The following EXOC2 variants were observed in gnomAD, a reference collection of about 807,000 sequenced individuals.
The protein encoded by EXOC2 is exocyst complex component 2.
In EXOC2, 70 loss-of-function variants were observed where a neutral mutation model predicts 131.8. The observed-to-expected ratio is 0.53, with a 90% CI of 0.44 to 0.65. The LOEUF (loss-of-function observed/expected upper bound fraction) is 0.65. EXOC2 is among the 30% of genes least tolerant of loss of function. The pLI is 0.00. For missense variants in EXOC2, 923 were observed against 1,108.6 expected (o/e 0.83, Z 2.38); for synonymous variants, 411 against 398.4 (o/e 1.03, Z -0.38).
intron 23 of EXOC2, among the ~76,000 whole-genome samples, chr6:500,925 A>G (rs545786504): frequency 6.6e-6 from 1 of 151,308 alleles, no homozygotes; most frequent in African/African-American, 2.4e-5. Context: ...CTAGGTTTTG[A>G]TTGTGTCACA....
intron 1 of EXOC2, among the ~76,000 whole-genome samples, chr6:647,990 C>T (rs1762656692): frequency 6.6e-6 from 1 of 152,176 alleles, no homozygotes; most frequent in African/African-American, 2.4e-5. Flanking sequence ...ACAGGCATTA[C>T]ACTGGTTCAT....
intron 1 of EXOC2, among the ~76,000 whole-genome samples, chr6:682,199 CTTT>C (rs10654916): frequency 1.5e-5 from 2 of 129,616 alleles, no homozygotes; most frequent in Admixed American, 7.8e-5. Context: ...TTCCCAGTTT[CTTT>C]TTTTTTTTTT....
intron 1 of EXOC2, among the ~76,000 whole-genome samples, chr6:655,354 A>T (rs1763025088): frequency 6.6e-6 from 1 of 152,212 alleles, no homozygotes; most frequent in Non-Finnish European, 1.5e-5. Flanking sequence ...ACATAGTACT[A>T]TTGTACTCTC....
intron 1 of EXOC2, chr6:655,864 A>C: frequency 2.8e-6 from 1 of 361,440 alleles, no homozygotes; most frequent in East Asian, 4.6e-5. Context: ...AAAAGAGTTG[A>C]AGAATAACTT....
At chr6:681,200 T>C (rs796847214) in intron 1 of EXOC2, among the ~76,000 whole-genome samples, 7 of 152,340 alleles carry the variant, frequency 4.6e-5, no homozygotes, top group African/African-American at 1.7e-4. Flanking sequence ...AATCAACCTG[T>C]GACAGCTCCT....
intron 13 of EXOC2, among the ~76,000 whole-genome samples, chr6:570,569 G>A (rs776215446): frequency 6.6e-6 from 1 of 152,176 alleles, no homozygotes; most frequent in African/African-American, 2.4e-5. Flanking sequence ...GTGCCAGGCC[G>A]ATGAGATTTC....
At chr6:647,546 A>G (rs1319616544) in intron 1 of EXOC2, among the ~76,000 whole-genome samples, 1 of 140,012 alleles carries the variant, frequency 7.1e-6, no homozygotes, top group South Asian at 2.7e-4. Context: ...CCGGATCTGT[A>G]AGAGTCTAGT....
At position 639,293 on chromosome 6, in the gene EXOC2, G is replaced by A. The variant is rs189797231; in HGVS notation, c.-43-1432C>T. Among the ~76,000 whole-genome samples, 219 of 150,978 alleles carry A rather than the reference G, an allele frequency of 1.5e-3. 2 individuals are homozygous for A. The highest frequency in any genetic ancestry group is 5.2e-3 in the African/African-American group (212 of 41,076). On this transcript the variant is annotated intron_variant, in intron 1 of 27. Coordinates refer to ENST00000230449, the MANE Select transcript of EXOC2 (RefSeq NM_018303.6). Reference sequence around the variant, plus strand: ...CCTGCCCTTGCCACTGTGAGCAGGTGTGCAAGCCCCTCCTGCCCTTGCCAC... The same window carrying A: ...CCTGCCCTTGCCACTGTGAGCAGGTATGCAAGCCCCTCCTGCCCTTGCCAC...
At chr6:523,128 A>C (rs961432471) in intron 23 of EXOC2, among the ~76,000 whole-genome samples, 2 of 152,338 alleles carry the variant, frequency 1.3e-5, no homozygotes, top group East Asian at 3.9e-4. Context: ...CTGATAGGTA[A>C]GATAAAGAAA....
intron 16 of EXOC2, 113 bp from the exon 17 acceptor site, chr6:562,958 A>C (rs895983163): frequency 1.5e-6 from 1 of 663,710 alleles, no homozygotes; most frequent in Non-Finnish European, 2.3e-6. Flanking sequence ...GGTTTGTAAA[A>C]ACTCGATGAA....
intron 1 of EXOC2, among the ~76,000 whole-genome samples, chr6:646,563 T>G (rs2127730205): frequency 6.6e-6 from 1 of 152,346 alleles, no homozygotes; most frequent in South Asian, 2.1e-4. Context: ...CCATTAACAT[T>G]AGCCTGCTAA....
intron 4 of EXOC2, among the ~76,000 whole-genome samples, chr6:620,339 A>G (rs1210369238): frequency 6.6e-6 from 1 of 152,102 alleles, no homozygotes; most frequent in Non-Finnish European, 1.5e-5. Context: ...CTTGTCCCTC[A>G]GGGCTCATTT....
At chr6:632,300 T>C (rs1367158123) in intron 3 of EXOC2, among the ~76,000 whole-genome samples, 1 of 152,248 alleles carries the variant, frequency 6.6e-6, no homozygotes, top group Non-Finnish European at 1.5e-5. Context: ...TACTCAGTCA[T>C]GGTAAGAGAG....
intron 5 of EXOC2, among the ~76,000 whole-genome samples, chr6:618,753 C>T (rs185265286): frequency 1.3e-5 from 2 of 152,250 alleles, no homozygotes; most frequent in Admixed American, 6.5e-5. Flanking sequence ...ATGCTTTTCA[C>T]CCTAATAAAT....
Position 671,914 on chromosome 6 carries a change from A to T in EXOC2, c.-44+21105T>A, listed in dbSNP as rs1185330344. Among the ~76,000 whole-genome samples, 22 of 150,838 alleles carry T rather than the reference A, an allele frequency of 1.5e-4. 1 individual carries two copies. ...GCTAAGTGTAGATTTTTTATTTTTT[A>T]TTTATTTATTTATTTTTTGGTACTT... is the stretch of plus-strand genomic sequence containing the variant. On this transcript the variant is annotated intron_variant, in intron 1 of 27. Transcript: ENST00000230449.
chr6:658,645 T>TTTTTA (rs1223267048), intron 1 of EXOC2, among the ~76,000 whole-genome samples: 3 of 118,348 alleles, frequency 2.5e-5, no homozygotes, highest in African/African-American at 9.3e-5. Context: ...TATATATATT[T>TTTTTA]TATATATATA....
chr6:491,103 A>G, intron 26 of EXOC2, 22 bp downstream of exon 26: 6 of 1,613,458 alleles, frequency 3.7e-6, no homozygotes, highest in East Asian at 2.2e-5. Flanking sequence ...AGAGCACTCA[A>G]CTAAAGAACA....
intron 3 of EXOC2, among the ~76,000 whole-genome samples, chr6:631,383 C>T (rs1367596530): frequency 1.3e-5 from 2 of 151,964 alleles, no homozygotes; most frequent in African/African-American, 4.8e-5. Context: ...ACTAAAAATA[C>T]AAAAATTAGC....
chr6:615,021 T>C (rs1760910313), intron 6 of EXOC2, among the ~76,000 whole-genome samples: 2 of 151,910 alleles, frequency 1.3e-5, no homozygotes, highest in South Asian at 2.1e-4. Flanking sequence ...AACATACAAA[T>C]ACTAAACAGA....
Sources: gnomAD v4.1 joint callset for allele counts (sites outside exome capture counted in the v4.1 genomes callset) on GRCh38, gnomAD v4.1.1 for gene constraint, MANE v1.5 for transcripts, NCBI Gene and HGNC (gene_info 2026-07-23, HGNC 2026-07-21) for gene names.